Variants in ACER3 observed in about 807,000 individuals in gnomAD.
The protein encoded by ACER3 is alkCDase 3.
ACER3 carries 16 observed loss-of-function variants against 48.9 expected under a neutral mutation model. The observed-to-expected ratio is 0.33, with a 90% CI of 0.22 to 0.50. ACER3 has a LOEUF of 0.50. Among genes scored for constraint, ACER3 ranks in the 20% least tolerant of loss-of-function variants. The probability of loss-of-function intolerance (pLI) is 0.98; values close to 1 mark genes in which losing one functional copy is unlikely to be tolerated. For missense variants in ACER3, 227 were observed against 326.0 expected, an observed-to-expected ratio of 0.70 and a Z score of 2.34; for synonymous variants, 109 against 107.8, an observed-to-expected ratio of 1.01 and a Z score of -0.07.
intron 7 of ACER3, among the ~76,000 whole-genome samples, chr11:77,009,547 C>T (rs911605677): frequency 2.6e-5 from 4 of 152,168 alleles, no homozygotes; most frequent in Admixed American, 2.0e-4. Flanking sequence ...CAGTGGCTCA[C>T]ACAAGTAATC....
At chr11:76,896,224 T>G (rs1298004242) in intron 1 of ACER3, among the ~76,000 whole-genome samples, 1 of 152,208 alleles carries the variant, frequency 6.6e-6, no homozygotes. Context: ...CTGTTCAAAT[T>G]CTTGAAACAT....
intron 1 of ACER3, among the ~76,000 whole-genome samples, chr11:76,923,594 G>A (rs1946741241): frequency 6.6e-6 from 1 of 152,124 alleles, no homozygotes; most frequent in Non-Finnish European, 1.5e-5. Flanking sequence ...TTTTGTATTA[G>A]TATAAATAGT....
At chr11:76,994,336 G>C (rs1412500393) in intron 6 of ACER3, 1 of 361,284 alleles carries the variant, frequency 2.8e-6, no homozygotes, top group East Asian at 7.7e-5. Flanking sequence ...CGCCATGTTG[G>C]CCAGGCTGGT....
chr11:76,904,072 A>G (rs2119458), intron 1 of ACER3, among the ~76,000 whole-genome samples: 114,866 of 152,052 alleles, frequency 0.76, 43,746 homozygotes, highest in African/African-American at 0.81. Context: ...CTGCAACCTC[A>G]GCCTCGTGGG....
intron 2 of ACER3, among the ~76,000 whole-genome samples, chr11:76,958,375 C>T (rs370105168): frequency 1.0e-4 from 15 of 148,850 alleles, no homozygotes; most frequent in Admixed American, 7.4e-4. Context: ...TTAGTAGAGA[C>T]GGGGTTTCAC....
chr11:76,920,634 C>CTT (rs11320505), intron 1 of ACER3, among the ~76,000 whole-genome samples: 18 of 132,850 alleles, frequency 1.4e-4, no homozygotes, highest in African/African-American at 2.8e-4. Flanking sequence ...GAACTCTTGA[C>CTT]TTTTTTTTTT....
chr11:76,870,627 CA>C (rs1462842447), intron 1 of ACER3, among the ~76,000 whole-genome samples: 4 of 152,116 alleles, frequency 2.6e-5, no homozygotes, highest in Non-Finnish European at 5.9e-5. Context: ...AAATTTCTTT[CA>C]TGGGTGCCAT....
At position 76,868,297 on chromosome 11, in the gene ACER3, C is replaced by G. The variant is rs375552844; in HGVS notation, c.103+7218C>G. 1.8e-4 allele frequency: 234 copies of G among 1,270,778 alleles called. 4 individuals are homozygous for G. The South Asian group carries it at 2.8e-3, about 15-fold the overall frequency. 78.7% of individuals were successfully genotyped at this position (1,270,778 alleles called of 1,614,324 possible). ...GCAGCACTGCCTCCAAATTATAACT[C>G]AAAAGTTCATAAGTCAACTGAAGAA... On this transcript the variant is annotated intron_variant, in intron 1 of 10. Transcript: ENST00000532485.
At chr11:77,005,511 T>C (rs1949116340) in intron 7 of ACER3, among the ~76,000 whole-genome samples, 2 of 152,128 alleles carry the variant, frequency 1.3e-5, no homozygotes, top group African/African-American at 4.8e-5. Context: ...CTAAAATTTA[T>C]TGTATCACAG....
chr11:76,910,979 A>G (rs565750190), intron 1 of ACER3, among the ~76,000 whole-genome samples: 2 of 152,256 alleles, frequency 1.3e-5, no homozygotes, highest in African/African-American at 4.8e-5. Flanking sequence ...AACAATGACC[A>G]TTTTTCTGAT....
intron 6 of ACER3, among the ~76,000 whole-genome samples, chr11:76,995,627 C>T (rs1386310991): frequency 6.6e-6 from 1 of 151,612 alleles, no homozygotes; most frequent in Non-Finnish European, 1.5e-5. Flanking sequence ...AAAAAAAAAC[C>T]TCTATAAGTT....
intron 1 of ACER3, among the ~76,000 whole-genome samples, chr11:76,915,683 T>C (rs1011928368): frequency 2.0e-5 from 3 of 152,212 alleles, no homozygotes; most frequent in Non-Finnish European, 4.4e-5. Context: ...GGGTAATTTA[T>C]GAAGAAAAGA....
rs553947156 is a variant in ACER3 at position 76,962,194 on chromosome 11, C to T, written c.267+3163C>T. Among the ~76,000 whole-genome samples the T allele has an allele frequency of 1.9e-3, 284 of 146,342 alleles. 14 individuals are homozygous for T. Among genetic ancestry groups the T allele is most frequent in the African/African-American group, 7.0e-3 (267 of 38,082 alleles). On this transcript the variant is annotated intron_variant, in intron 3 of 10. Transcript: ENST00000532485. Reference sequence around the variant, plus strand: ...CCTCCCGAGTAGCTGGGGTTACAGGCGTGCACCACCATGCCCAGCTAATTT... The same window carrying T: ...CCTCCCGAGTAGCTGGGGTTACAGGTGTGCACCACCATGCCCAGCTAATTT...
At chr11:77,019,189 G>A (rs1311255820) in intron 9 of ACER3, among the ~76,000 whole-genome samples, 7 of 152,130 alleles carry the variant, frequency 4.6e-5, no homozygotes, top group African/African-American at 9.7e-5. Flanking sequence ...GGCCGGGCGC[G>A]GTGGCTCACG....
intron 3 of ACER3, among the ~76,000 whole-genome samples, chr11:76,969,770 G>A (rs552595871): frequency 7.9e-6 from 1 of 127,162 alleles, no homozygotes; most frequent in East Asian, 2.5e-4. Context: ...ACAGGAAGGG[G>A]AACATCAGAC....
At chr11:76,949,777 C>T (rs1450620042) in intron 2 of ACER3, among the ~76,000 whole-genome samples, 1 of 152,166 alleles carries the variant, frequency 6.6e-6, no homozygotes, top group African/African-American at 2.4e-5. Context: ...CACCTGTTCT[C>T]CAGCCCTGCC....
chr11:77,008,049 G>T (rs1307566643), intron 7 of ACER3, among the ~76,000 whole-genome samples: 1 of 152,072 alleles, frequency 6.6e-6, no homozygotes, highest in Non-Finnish European at 1.5e-5. Flanking sequence ...ATATAATTAT[G>T]ATTTATCAAT....
intron 1 of ACER3, among the ~76,000 whole-genome samples, chr11:76,907,616 A>G (rs1211564319): frequency 6.6e-6 from 1 of 152,218 alleles, no homozygotes; most frequent in Non-Finnish European, 1.5e-5. Flanking sequence ...CACACCTGTA[A>G]TCCCAGTGCT....
chr11:76,996,836 G>A (rs746095237), intron 6 of ACER3, among the ~76,000 whole-genome samples: 3 of 149,448 alleles, frequency 2.0e-5, no homozygotes, highest in Non-Finnish European at 4.4e-5. Flanking sequence ...AGCAATTCTC[G>A]TGCCTCAGCC....
Sources: allele counts gnomAD v4.1 joint callset (sites outside exome capture counted in the v4.1 genomes callset), GRCh38; gene constraint gnomAD v4.1.1; transcripts MANE v1.5; gene names NCBI Gene and HGNC (gene_info 2026-07-23, HGNC 2026-07-21).